The following ANKRD30BL variants were observed in gnomAD, a reference collection of about 807,000 sequenced individuals.
ANKRD30BL encodes the protein putative ankyrin repeat domain-containing protein 30B-like.
A neutral mutation model predicts 18.4 loss-of-function variants in ANKRD30BL; 20 were observed. The observed-to-expected ratio is 1.09, with a 90% CI of 0.77 to 1.58. The LOEUF is 1.58. Among genes scored for constraint, ANKRD30BL ranks in the 40% most tolerant of loss-of-function variants. ANKRD30BL has a pLI of 0.00. For synonymous variants in ANKRD30BL, 72 were observed against 100.9 expected (o/e 0.71, Z 1.72); for missense variants, 224 against 268.6 (o/e 0.83, Z 1.16).
rs561226825 is a variant in ANKRD30BL, at chr2:132,157,108, G to A, written c.372C>T (p.Leu124=). The A allele has an allele frequency of 1.9e-5, 27 of 1,447,574 alleles. No individual in the cohort carries two copies. The East Asian group carries it at 5.8e-4, about 31-fold the overall frequency. The allele number at this position is 1,447,574 out of a possible 1,614,324, so 89.7% of individuals were successfully genotyped here. Residue 124 remains leucine (L), a synonymous_variant, in exon 3 of 6, where the codon CTC becomes CTT. Coordinates refer to ENST00000409867, the MANE Select transcript of ANKRD30BL (RefSeq NM_001358416.1). ...TATTTGGATCAGCACCAGAATCTAT[G>A]AGAATATTTGCACAAGCCTCCCTCT... ...QCQREACANI[L]IDSGADPNIV... is the part of the protein sequence containing the mutation.
chr2:132,188,295 C>A (rs201783272), intron 1 of ANKRD30BL, among the ~76,000 whole-genome samples: 1 of 152,100 alleles, frequency 6.6e-6, no homozygotes, highest in Non-Finnish European at 1.5e-5. Flanking sequence ...CAGTGAACAC[C>A]AAAAGCCAAT....
intron 1 of ANKRD30BL, among the ~76,000 whole-genome samples, chr2:132,213,829 T>G (rs112892647): frequency 1.3e-5 from 2 of 152,092 alleles, no homozygotes; most frequent in African/African-American, 4.8e-5. Flanking sequence ...CCATAAAAAC[T>G]AGACAGAATC....
intron 1 of ANKRD30BL, among the ~76,000 whole-genome samples, chr2:132,239,105 G>C (rs781776868): frequency 5.3e-5 from 8 of 152,028 alleles, no homozygotes; most frequent in African/African-American, 1.4e-4. Context: ...GCGCTTTAGC[G>C]CCTGTGGTAA....
rs564706111 is a variant in ANKRD30BL, at chr2:132,179,357, C to T, written n.442-22211G>A. ...GGCTGGAGTTGCCATGGTGTGATAT[C>T]GGCTCACTGCAACCTCCACCTCCCA... On this transcript the variant is annotated intron_variant and non_coding_transcript_variant, in intron 1 of 4. Transcript: ENST00000470729. Among the ~76,000 whole-genome samples the T allele has an allele frequency of 3.3e-5, 5 of 149,520 alleles. No homozygotes were observed. The South Asian group carries it at 6.3e-4, about 19-fold the overall frequency.
At chr2:132,204,050 A>G (rs1679161482) in intron 1 of ANKRD30BL, among the ~76,000 whole-genome samples, 1 of 152,356 alleles carries the variant, frequency 6.6e-6, no homozygotes, top group East Asian at 1.9e-4. Context: ...AGAGGAAGTT[A>G]TCTGGTGCTC....
At chr2:132,183,408 C>T (rs1287540611) in intron 1 of ANKRD30BL, among the ~76,000 whole-genome samples, 1 of 152,074 alleles carries the variant, frequency 6.6e-6, no homozygotes, top group Non-Finnish European at 1.5e-5. Flanking sequence ...AGATTACAGG[C>T]ATGAATCACT....
At chr2:132,202,679 G>A (rs1382357537) in intron 1 of ANKRD30BL, among the ~76,000 whole-genome samples, 1 of 152,034 alleles carries the variant, frequency 6.6e-6, no homozygotes, top group African/African-American at 2.4e-5. Flanking sequence ...ACCTCCATAT[G>A]TATGTATGTA....
chr2:132,186,970 A>G (rs1252357018), intron 1 of ANKRD30BL, among the ~76,000 whole-genome samples: 1 of 151,892 alleles, frequency 6.6e-6, no homozygotes, highest in East Asian at 1.9e-4. Flanking sequence ...CAGGTTGAAA[A>G]TTGTCATCCC....
chr2:132,223,409 C>T (rs1052009746), intron 1 of ANKRD30BL, among the ~76,000 whole-genome samples: 220 of 151,482 alleles, frequency 1.5e-3, no homozygotes, highest in Non-Finnish European at 2.5e-3. Flanking sequence ...TGCAAGTGGA[C>T]ATTTGGAGCG....
intron 1 of ANKRD30BL, among the ~76,000 whole-genome samples, chr2:132,245,164 AGAGTT>A (rs1400905297): frequency 6.6e-6 from 1 of 152,252 alleles, no homozygotes; most frequent in Non-Finnish European, 1.5e-5. Flanking sequence ...TTCAACTCAA[AGAGTT>A]GAATCTTTCT....
intron 1 of ANKRD30BL, among the ~76,000 whole-genome samples, chr2:132,205,945 C>T (rs1436495714): frequency 7.9e-5 from 12 of 152,200 alleles, no homozygotes; most frequent in African/African-American, 2.9e-4. Flanking sequence ...TGGATCACAA[C>T]ATCAGCAGTT....
chr2:132,151,308 A>G (rs571261849), intron 4 of ANKRD30BL, among the ~76,000 whole-genome samples: 19 of 152,268 alleles, frequency 1.2e-4, no homozygotes, highest in East Asian at 7.7e-4. Flanking sequence ...TGCTTCTCTT[A>G]GACTCAATGT....
chr2:132,153,913 A>C (rs1282385756), intron 4 of ANKRD30BL, among the ~76,000 whole-genome samples: 1 of 152,202 alleles, frequency 6.6e-6, no homozygotes, highest in East Asian at 1.9e-4. Context: ...CATAAAGTCC[A>C]CTGAGGGGCA....
chr2:132,193,423 G>A (rs1678899081), intron 1 of ANKRD30BL, among the ~76,000 whole-genome samples: 1 of 152,104 alleles, frequency 6.6e-6, no homozygotes. Flanking sequence ...TGGCACTTCT[G>A]TTCACAGATC....
At chr2:132,220,575 A>C (rs62165524) in intron 1 of ANKRD30BL, among the ~76,000 whole-genome samples, 1 of 151,474 alleles carries the variant, frequency 6.6e-6, no homozygotes, top group South Asian at 2.1e-4. Flanking sequence ...TGTGTTGGCC[A>C]GGCCGGTCTC....
At chr2:132,191,895 C>T (rs2104738905) in intron 1 of ANKRD30BL, among the ~76,000 whole-genome samples, 1 of 152,090 alleles carries the variant, frequency 6.6e-6, no homozygotes, top group African/African-American at 2.4e-5. Context: ...GCTCTCACCA[C>T]CACGCCTGGC....
chr2:132,215,460 T>A (rs1027731281), intron 1 of ANKRD30BL, among the ~76,000 whole-genome samples: 7 of 152,352 alleles, frequency 4.6e-5, no homozygotes, highest in African/African-American at 1.7e-4. Context: ...TGAAAAACCC[T>A]TTTGGTGCTA....
At chr2:132,202,829 C>T (rs10432361) in intron 1 of ANKRD30BL, among the ~76,000 whole-genome samples, 2 of 127,300 alleles carry the variant, frequency 1.6e-5, no homozygotes, top group East Asian at 2.5e-4. Context: ...ATGGCCAGAA[C>T]AGAGACGACA....
At chr2:132,196,822 A>G (rs1573831877) in intron 1 of ANKRD30BL, among the ~76,000 whole-genome samples, 1 of 152,190 alleles carries the variant, frequency 6.6e-6, no homozygotes, top group Non-Finnish European at 1.5e-5. Flanking sequence ...AGGAAAAAAA[A>G]AAATAAAAGC....
Sources: gnomAD v4.1 joint callset for allele counts (sites outside exome capture counted in the v4.1 genomes callset) on GRCh38, gnomAD v4.1.1 for gene constraint, MANE v1.5 for transcripts, NCBI Gene and HGNC (gene_info 2026-07-23, HGNC 2026-07-21) for gene names.